The following LPP variants were observed in gnomAD, a reference collection of about 807,000 sequenced individuals.
LPP encodes the protein lipoma-preferred partner.
Under a neutral mutation model 60.4 loss-of-function variants are expected in LPP, and 38 were observed. That is an observed-to-expected ratio of 0.63 (90% CI 0.49 to 0.83). The LOEUF is 0.83. Among genes scored for constraint, LPP ranks in the 40% least tolerant of loss-of-function variants. The pLI is 0.00. For missense variants in LPP, 902 were observed against 783.6 expected, an observed-to-expected ratio of 1.15 and a Z score of -1.80; for synonymous variants, 328 against 290.8, an observed-to-expected ratio of 1.13 and a Z score of -1.30.
At chr3:188,779,521 C>T (rs745711971) in intron 9 of LPP, among the ~76,000 whole-genome samples, 1 of 151,952 alleles carries the variant, frequency 6.6e-6, no homozygotes, top group Non-Finnish European at 1.5e-5. Context: ...TGCCAAGTAA[C>T]CACGTGAGCA....
intron 7 of LPP, among the ~76,000 whole-genome samples, chr3:188,703,920 A>T (rs1864972308): frequency 6.6e-6 from 1 of 152,190 alleles, no homozygotes; most frequent in Non-Finnish European, 1.5e-5. Flanking sequence ...GTCTATATTG[A>T]AAGGGAAACT....
intron 2 of LPP, chr3:188,240,100 G>A (rs564858056): frequency 1.0e-5 from 2 of 195,596 alleles, no homozygotes; most frequent in East Asian, 7.9e-5. Context: ...CTGGCAGATG[G>A]ATACATCTGT....
intron 7 of LPP, among the ~76,000 whole-genome samples, chr3:188,645,505 A>T (rs1246855094): frequency 6.6e-6 from 1 of 152,116 alleles, no homozygotes; most frequent in Non-Finnish European, 1.5e-5. Flanking sequence ...AAGGCTCAAA[A>T]TCAGATGTTG....
chr3:188,206,669 G>A (rs149475787), intron 1 of LPP, among the ~76,000 whole-genome samples: 268 of 152,276 alleles, frequency 1.8e-3, no homozygotes, highest in Non-Finnish European at 3.1e-3. Flanking sequence ...GAAATGAGAC[G>A]GGGAGAATCT....
chr3:188,723,683 CCA>C (rs547336040), intron 8 of LPP, among the ~76,000 whole-genome samples: 177 of 152,052 alleles, frequency 1.2e-3, no homozygotes, highest in South Asian at 5.8e-3. Context: ...GATGCATAAT[CCA>C]CTTAGCTTGT....
chr3:188,381,947 A>AT (rs56823666), intron 3 of LPP, among the ~76,000 whole-genome samples: 24,839 of 143,982 alleles, frequency 0.17, 4,340 homozygotes, highest in African/African-American at 0.46. Flanking sequence ...ACACCCAGCT[A>AT]TTTTTTTTTT....
At chr3:188,586,043 TACA>T (rs1837357739) in intron 6 of LPP, among the ~76,000 whole-genome samples, 1 of 152,246 alleles carries the variant, frequency 6.6e-6, no homozygotes, top group Non-Finnish European at 1.5e-5. Flanking sequence ...ACTTTTAAAG[TACA>T]ACAAGTTAAA....
chr3:188,405,565 T>C (rs1412889104), intron 3 of LPP, among the ~76,000 whole-genome samples: 1 of 152,166 alleles, frequency 6.6e-6, no homozygotes, highest in Non-Finnish European at 1.5e-5. Context: ...ATCAATAAAA[T>C]CTTGTTAATT....
chr3:188,382,780 G>T (rs1266263782), intron 3 of LPP, among the ~76,000 whole-genome samples: 1 of 152,036 alleles, frequency 6.6e-6, no homozygotes, highest in Non-Finnish European at 1.5e-5. Context: ...TGAAGATTTT[G>T]TTTTCCTGGA....
intron 5 of LPP, among the ~76,000 whole-genome samples, chr3:188,507,680 G>A (rs140706754): frequency 6.6e-6 from 1 of 152,114 alleles, no homozygotes; most frequent in Non-Finnish European, 1.5e-5. Context: ...GATGGGTGGC[G>A]GAGGTGGGGA....
At chr3:188,700,479 G>A (rs1421491185) in intron 7 of LPP, among the ~76,000 whole-genome samples, 1 of 152,142 alleles carries the variant, frequency 6.6e-6, no homozygotes, top group Non-Finnish European at 1.5e-5. Context: ...TGTTTTCCTG[G>A]GAGCCATTTG....
At chr3:188,762,091 G>A (rs1418232973) in intron 9 of LPP, among the ~76,000 whole-genome samples, 4 of 151,788 alleles carry the variant, frequency 2.6e-5, no homozygotes, top group African/African-American at 9.7e-5. Context: ...TGCTACTGTG[G>A]CAGCAGCCTT....
chr3:188,619,982 T>C (rs192649194), intron 7 of LPP, among the ~76,000 whole-genome samples: 1 of 152,300 alleles, frequency 6.6e-6, no homozygotes, highest in Admixed American at 6.5e-5. Context: ...ATTAACTTCT[T>C]GGAGAAGTTT....
intron 5 of LPP, among the ~76,000 whole-genome samples, chr3:188,505,496 A>G (rs1335716261): frequency 6.6e-6 from 1 of 152,126 alleles, no homozygotes; most frequent in African/African-American, 2.4e-5. Context: ...GTGACTTGGT[A>G]CTGTGTTTTC....
intron 5 of LPP, among the ~76,000 whole-genome samples, chr3:188,485,603 C>G (rs1364981001): frequency 6.6e-6 from 1 of 151,140 alleles, no homozygotes; most frequent in African/African-American, 2.4e-5. Flanking sequence ...CGAGACCATC[C>G]CGGCTAAAAC....
Position 188,718,530 on chromosome 3 carries a change from A to C in LPP, c.1240+10137A>C, listed in dbSNP as rs77677492. Among the ~76,000 whole-genome samples, 83 of 152,368 alleles carry C rather than the reference A, an allele frequency of 5.4e-4. No homozygotes were observed. In the East Asian group the frequency reaches 0.015, roughly 27 times the overall value. ...TTTTCTTATTCAAAAGAAACAAAAG[A>C]GATTCCCAGTATCTTTTATCTCAGT... is the stretch of plus-strand genomic sequence containing the variant. On this transcript the variant is annotated intron_variant, in intron 8 of 11. Coordinates refer to ENST00000617246, the MANE Select transcript of LPP (RefSeq NM_001375462.1).
At chr3:188,300,003 T>G (rs191253337) in intron 2 of LPP, among the ~76,000 whole-genome samples, 2 of 152,326 alleles carry the variant, frequency 1.3e-5, no homozygotes, top group Non-Finnish European at 2.9e-5. Flanking sequence ...ACAAAGGGAC[T>G]TTTATCATCC....
At chr3:188,330,605 G>T (rs564890323) in intron 2 of LPP, among the ~76,000 whole-genome samples, 1 of 152,086 alleles carries the variant, frequency 6.6e-6, no homozygotes, top group East Asian at 1.9e-4. Flanking sequence ...GCCAGGCATG[G>T]TGCCTCATGC....
chr3:188,195,713 A>G (rs1352360315), intron 1 of LPP, among the ~76,000 whole-genome samples: 1 of 152,232 alleles, frequency 6.6e-6, no homozygotes. Flanking sequence ...TATGATGTTC[A>G]TTACTTCTTG....
Sources: gnomAD v4.1 joint callset for allele counts (sites outside exome capture counted in the v4.1 genomes callset) on GRCh38, gnomAD v4.1.1 for gene constraint, MANE v1.5 for transcripts, NCBI Gene and HGNC (gene_info 2026-07-23, HGNC 2026-07-21) for gene names.